EDEM1: variants seen among roughly 807,000 people sequenced by gnomAD.
EDEM1 encodes ER degradation-enhancing alpha-mannosidase-like protein 1.
Under a neutral mutation model 74.4 loss-of-function variants are expected in EDEM1, and 67 were observed. The observed-to-expected ratio is 0.90, with a 90% CI of 0.74 to 1.10. The LOEUF is 1.10. Among genes scored for constraint, EDEM1 ranks in the 50% least tolerant of loss-of-function variants. The pLI is 0.00. For synonymous variants in EDEM1, 382 were observed against 335.9 expected (o/e 1.14, Z -1.50); for missense variants, 926 against 851.6 (o/e 1.09, Z -1.09).
chr3:5,199,677 T>C lies in EDEM1; in HGVS notation c.668T>C (p.Val223Ala). ...VSFDKDSTVQ[V>A]FEATIRVLGS... ...TTTGACAAAGATTCCACCGTCCAAG[T>C]CTTTGAGGCCACGATAAGGTAAAAT... The change falls in exon 3 of 12, where the codon GTC (valine) becomes GCC (alanine). Residue 223 changes from valine to alanine, a missense_variant. Coordinates refer to ENST00000256497, the MANE Select transcript of EDEM1 (RefSeq NM_014674.3). The C allele has an allele frequency of 6.2e-7, 1 of 1,613,536 alleles. No homozygotes were observed. The highest frequency in any genetic ancestry group is 8.5e-7 in the Non-Finnish European group (1 of 1,179,678).
At chr3:5,211,430 A>G (rs2055166288) in intron 10 of EDEM1, 2 of 511,566 alleles carry the variant, frequency 3.9e-6, no homozygotes, top group Non-Finnish European at 7.1e-6. Flanking sequence ...TAAACCAAGA[A>G]CTGAACTTAT....
chr3:5,201,257 C>T (rs1255630860), intron 3 of EDEM1, among the ~76,000 whole-genome samples: 2 of 151,920 alleles, frequency 1.3e-5, no homozygotes, highest in East Asian at 1.9e-4. Flanking sequence ...TTCAAGAGAT[C>T]GTCCTGCCTC....
At chr3:5,215,548 G>C (rs1212012447) in intron 11 of EDEM1, among the ~76,000 whole-genome samples, 1 of 152,182 alleles carries the variant, frequency 6.6e-6, no homozygotes, top group Non-Finnish European at 1.5e-5. Context: ...TATGTCACTG[G>C]TCTTCACCTG....
chr3:5,211,545 G>C, intron 10 of EDEM1: 1 of 311,318 alleles, frequency 3.2e-6, no homozygotes, highest in Non-Finnish European at 6.3e-6. Flanking sequence ...GAAGAGAGCT[G>C]TGTTCATAAT....
chr3:5,189,757 C>T (rs541691753), intron 1 of EDEM1, among the ~76,000 whole-genome samples: 1 of 152,134 alleles, frequency 6.6e-6, no homozygotes, highest in African/African-American at 2.4e-5. Context: ...CGTGCCACCA[C>T]GCCCGGCTAA....
In EDEM1 at chr3:5,188,316, T is replaced by C; in HGVS notation, c.509+2T>C. On this transcript the variant is annotated splice_donor_variant, in intron 1 of 11. Coordinates refer to ENST00000256497, the MANE Select transcript of EDEM1 (RefSeq NM_014674.3). LOFTEE classifies it high-confidence loss of function. ...CCGTGGGCCCGACCGCGGGGACCCGTGAGTAGCCCCCGCCGCCCGGGGCCG... is the reference window on the plus strand; with the variant it reads ...CCGTGGGCCCGACCGCGGGGACCCGCGAGTAGCCCCCGCCGCCCGGGGCCG... The C allele has an allele frequency of 6.7e-7, 1 of 1,483,164 alleles. No homozygotes were observed. The highest frequency in any genetic ancestry group is 9.0e-7 in the Non-Finnish European group (1 of 1,113,636). The allele number at this position is 1,483,164 out of a possible 1,614,324, so 91.9% of individuals were successfully genotyped here. A position where few individuals can be genotyped will look rare whatever the true frequency, so the allele number is the denominator to read the frequency against.
intron 7 of EDEM1, 130 bp downstream of exon 7, chr3:5,207,403 T>C: frequency 7.9e-7 from 1 of 1,261,756 alleles, no homozygotes; most frequent in South Asian, 1.5e-5. Flanking sequence ...ACACTATACG[T>C]CTTCATCTCT....
In EDEM1 at chr3:5,216,851, A is replaced by G. The variant is rs1342201860; in HGVS notation, c.*933A>G. On this transcript the variant is annotated 3_prime_UTR_variant, in exon 12 of 12. Transcript: ENST00000256497. ...AATACCTAAGATTGTCTGAGCTTCCATCTTTCTCATATTTCCTAAGCAAGG... is the reference window on the plus strand; with the variant it reads ...AATACCTAAGATTGTCTGAGCTTCCGTCTTTCTCATATTTCCTAAGCAAGG... The G allele has an allele frequency of 7.9e-5, 12 of 152,640 alleles. No homozygotes were observed. Among genetic ancestry groups the G allele is most frequent in the Non-Finnish European group, 1.5e-5 (1 of 68,028 alleles). 9.5% of individuals were successfully genotyped at this position (152,640 alleles called of 1,614,324 possible).
At chr3:5,201,166 T>G (rs1380335290) in intron 3 of EDEM1, among the ~76,000 whole-genome samples, 1 of 152,152 alleles carries the variant, frequency 6.6e-6, no homozygotes, top group Non-Finnish European at 1.5e-5. Context: ...ACTCTTATTT[T>G]TTTTTTTAAG....
In EDEM1 at chr3:5,213,532, T is replaced by A. The variant is rs1559301096; in HGVS notation, c.1884+10T>A. ...CAACTCCAGCTCCAACGTGAGTTGC[T>A]TTTTCCAGGGGTGATTTGCATATAG... On this transcript the variant is annotated intron_variant, in intron 11 of 11. Coordinates refer to ENST00000256497, the MANE Select transcript of EDEM1 (RefSeq NM_014674.3). 3.1e-6 allele frequency: 5 copies of A among 1,597,678 alleles called. No individual in the cohort carries two copies. The highest frequency in any genetic ancestry group is 3.4e-6 in the Non-Finnish European group (4 of 1,170,890).
chr3:5,213,625 A>T (rs1174088823), intron 11 of EDEM1, 103 bp downstream of exon 11: 3 of 1,149,894 alleles, frequency 2.6e-6, no homozygotes, highest in Non-Finnish European at 3.7e-6. Context: ...TGGTGTATGC[A>T]GATTGGGAGA....
intron 2 of EDEM1, among the ~76,000 whole-genome samples, chr3:5,195,794 G>A (rs1457523319): frequency 1.3e-5 from 2 of 152,240 alleles, no homozygotes; most frequent in African/African-American, 4.8e-5. Context: ...AGCTGCCAAC[G>A]TGGGTGCTGG....
At chr3:5,202,756 A>G (rs769645117) in intron 4 of EDEM1, among the ~76,000 whole-genome samples, 6 of 152,232 alleles carry the variant, frequency 3.9e-5, no homozygotes, top group Non-Finnish European at 7.3e-5. Context: ...GCTCTTATTA[A>G]TAAAGCAAGG....
chr3:5,212,091 C>T (rs1422486175), intron 10 of EDEM1, among the ~76,000 whole-genome samples: 3 of 152,122 alleles, frequency 2.0e-5, no homozygotes, highest in Non-Finnish European at 4.4e-5. Context: ...TCCAAATCAC[C>T]CTGGGGCCCT....
rs1432588159 is a variant in EDEM1 at position 5,188,081 on chromosome 3, G to A, written c.276G>A (p.Pro92=). The change falls in exon 1 of 12, where the codon CCG becomes CCA. Residue 92 remains proline, a synonymous_variant. Coordinates refer to ENST00000256497, the MANE Select transcript of EDEM1 (RefSeq NM_014674.3). The part of the protein sequence containing the change: ...SPRKAPRRPG[P]GMCGPANWGY... ...GCAAGGCTCCGCGGCGTCCTGGGCC[G>A]GGGATGTGCGGCCCAGCCAACTGGG... The A allele has an allele frequency of 6.7e-7, 1 of 1,488,370 alleles. No homozygotes were observed. The allele number at this position is 1,488,370 out of a possible 1,614,324, so 92.2% of individuals were successfully genotyped here. A position where few individuals can be genotyped will look rare whatever the true frequency, so the allele number is the denominator to read the frequency against.
intron 11 of EDEM1, among the ~76,000 whole-genome samples, 171 bp downstream of exon 11, chr3:5,213,693 C>T (rs953530541): frequency 1.3e-5 from 2 of 152,194 alleles, no homozygotes; most frequent in Middle Eastern, 3.2e-3. Context: ...TATAGGGAAA[C>T]CGCAGGAGCA....
In EDEM1 at chr3:5,216,020, C is replaced by A; in HGVS notation, c.*102C>A. On this transcript the variant is annotated 3_prime_UTR_variant, in exon 12 of 12. Coordinates refer to ENST00000256497, the MANE Select transcript of EDEM1 (RefSeq NM_014674.3). ...TGAAAGGGGACAGAAGTCTTGCTGT[C>A]CATGGTGGTGTAGGAATTTCTGTGC... 2.1e-6 allele frequency: 2 copies of A among 955,986 alleles called. No individual in the cohort carries two copies. Among genetic ancestry groups the A allele is most frequent in the Non-Finnish European group, 3.2e-6 (2 of 625,618 alleles). The allele number at this position is 955,986 out of a possible 1,614,324, so 59.2% of individuals were successfully genotyped here.
At position 5,205,075 on chromosome 3, in the gene EDEM1, G is replaced by T. The variant is rs754290887; in HGVS notation, c.1051G>T (p.Val351Leu). 1.2e-6 allele frequency: 2 copies of T among 1,613,782 alleles called. No homozygotes were observed. Among genetic ancestry groups the T allele is most frequent in the Admixed American group, 1.7e-5 (1 of 59,944 alleles). Residue 351 changes from valine to leucine, a missense_variant, in exon 6 of 12, where the codon GTG (valine) becomes TTG (leucine). Physicochemically the swap from Val to Leu is conservative, Grantham distance 32 (BLOSUM62 1). Transcript: ENST00000256497. The stretch of plus-strand genomic sequence containing the variant: ...CTTGTTTATTTTTGCAGGCAATGTC[G>T]TGAACATTCAGACGGGCCACTGGGT... ...SNDTGLLGNV[V>L]NIQTGHWVGK...
chr3:5,218,446 C>A lies in EDEM1; in HGVS notation c.*2528C>A, dbSNP rs76521168. 9,135 of 151,182 alleles carry A rather than the reference C, an allele frequency of 0.06. 414 individuals are homozygous for A. Among genetic ancestry groups the A allele is most frequent in the African/African-American group, 0.13 (5,156 of 41,078 alleles). 9.4% of individuals were successfully genotyped at this position (151,182 alleles called of 1,614,324 possible). A position where few individuals can be genotyped will look rare whatever the true frequency, so the allele number is the denominator to read the frequency against. On this transcript the variant is annotated 3_prime_UTR_variant, in exon 12 of 12. Coordinates refer to ENST00000256497, the MANE Select transcript of EDEM1 (RefSeq NM_014674.3). Reference sequence around the variant, plus strand: ...TTCTTCTGTTCTGTGTTCTGAAATACTGGGTAGAGAATGGCTGAGGAGGAG... The same window carrying A: ...TTCTTCTGTTCTGTGTTCTGAAATAATGGGTAGAGAATGGCTGAGGAGGAG...
Sources: gnomAD v4.1 joint callset for allele counts (sites outside exome capture counted in the v4.1 genomes callset) on GRCh38, gnomAD v4.1.1 for gene constraint, MANE v1.5 for transcripts, NCBI Gene and HGNC (gene_info 2026-07-23, HGNC 2026-07-21) for gene names.